Variants in ATP1B3 observed in about 807,000 individuals in gnomAD.
ATP1B3 encodes the protein ATPase Na+/K+ transporting subunit beta 3.
ATP1B3 carries 10 observed loss-of-function variants against 30.2 expected under a neutral mutation model. That is an observed-to-expected ratio of 0.33 (90% CI 0.20 to 0.56). ATP1B3 has a LOEUF of 0.56. ATP1B3 is among the 20% of genes least tolerant of loss of function. The pLI, the probability that ATP1B3 is intolerant of heterozygous loss-of-function variation, is 0.90. For synonymous variants in ATP1B3, 113 were observed against 117.0 expected (o/e 0.97, Z 0.22); for missense variants, 238 against 336.7 (o/e 0.71, Z 2.29).
chr3:141,890,397 G>T (rs1369392421), intron 1 of ATP1B3, among the ~76,000 whole-genome samples: 1 of 140,382 alleles, frequency 7.1e-6, no homozygotes, highest in Non-Finnish European at 1.5e-5. Context: ...CCACCTCCTG[G>T]GTTCAGGTGA....
chr3:141,887,191 G>C (rs1448085588), intron 1 of ATP1B3, among the ~76,000 whole-genome samples: 5 of 152,116 alleles, frequency 3.3e-5, no homozygotes, highest in African/African-American at 1.2e-4. Flanking sequence ...CTTGAAATTG[G>C]CCATAGAACT....
At chr3:141,900,831 G>A (rs900357998) in intron 1 of ATP1B3, among the ~76,000 whole-genome samples, 11 of 152,076 alleles carry the variant, frequency 7.2e-5, no homozygotes, top group East Asian at 3.9e-4. Context: ...CACCCAGGTC[G>A]GAGTGCAGTG....
intron 6 of ATP1B3, 135 bp from the exon 7 acceptor site, chr3:141,925,396 C>A: frequency 1.2e-6 from 1 of 846,624 alleles, no homozygotes; most frequent in Non-Finnish European, 1.8e-6. Flanking sequence ...CTTCAATGAG[C>A]CATAATTGCA....
chr3:141,893,929 T>A (rs1181157513), intron 1 of ATP1B3, among the ~76,000 whole-genome samples: 1 of 152,184 alleles, frequency 6.6e-6, no homozygotes, highest in Admixed American at 6.5e-5. Flanking sequence ...AAAGTGGACT[T>A]ACACAAATCT....
At chr3:141,901,993 T>C in intron 1 of ATP1B3, 1 of 497,304 alleles carries the variant, frequency 2.0e-6, no homozygotes, top group Non-Finnish European at 3.4e-6. Flanking sequence ...ATTTTATCCC[T>C]TCGTTCCTGC....
intron 3 of ATP1B3, 98 bp from the exon 4 acceptor site, chr3:141,913,554 T>TTACA: frequency 1.9e-6 from 2 of 1,070,930 alleles, no homozygotes; most frequent in Non-Finnish European, 2.6e-6. Flanking sequence ...CATTGCTGTT[T>TTACA]TTGTCTTTGA....
At chr3:141,904,073 C>A (rs1224581766) in intron 2 of ATP1B3, among the ~76,000 whole-genome samples, 1 of 152,258 alleles carries the variant, frequency 6.6e-6, no homozygotes, top group African/African-American at 2.4e-5. Flanking sequence ...GCGTGAGCCA[C>A]TGTGCCTGGC....
intron 1 of ATP1B3, among the ~76,000 whole-genome samples, chr3:141,882,911 C>G (rs1158811824): frequency 6.6e-6 from 1 of 151,972 alleles, no homozygotes; most frequent in Non-Finnish European, 1.5e-5. Flanking sequence ...GTTCTTATAA[C>G]CACCTGCCTA....
intron 1 of ATP1B3, among the ~76,000 whole-genome samples, chr3:141,897,244 C>G (rs1057063533): frequency 6.6e-6 from 1 of 152,198 alleles, no homozygotes; most frequent in African/African-American, 2.4e-5. Flanking sequence ...AGCCAACTAC[C>G]TTATTTCTGG....
rs1237871443 is a variant in ATP1B3, at chr3:141,925,733, T to G, written c.*32T>G. ...TAGGATATCTCCACAGAGTAAATGT[T>G]GTGTTGTCTGTCTTCATTTTGTAAC... On this transcript the variant is annotated 3_prime_UTR_variant, in exon 7 of 7. Coordinates refer to ENST00000286371, the MANE Select transcript of ATP1B3 (RefSeq NM_001679.4). 2 of 1,586,546 alleles carry G rather than the reference T, an allele frequency of 1.3e-6. No homozygotes were observed. The highest frequency in any genetic ancestry group is 1.2e-5 in the South Asian group (1 of 85,128).
At chr3:141,902,240 G>C in intron 1 of ATP1B3, 1 of 1,231,278 alleles carries the variant, frequency 8.1e-7, no homozygotes, top group Non-Finnish European at 1.1e-6. Context: ...AATTGGGGGG[G>C]AGGGGTAGAA....
Position 141,925,955 on chromosome 3 carries a change from G to A in ATP1B3, c.*254G>A, listed in dbSNP as rs925486616. 17 of 413,002 alleles carry A rather than the reference G, an allele frequency of 4.1e-5. 1 individual carries two copies. Among genetic ancestry groups the A allele is most frequent in the Admixed American group, 8.1e-5 (2 of 24,550 alleles). The allele number at this position is 413,002 out of a possible 1,614,324, so 25.6% of individuals were successfully genotyped here. ...CCGGTGAACACCTGATTCCAAACATGTAGGATGGGGGTCTTGTCCTCTTTT... is the reference window on the plus strand; with the variant it reads ...CCGGTGAACACCTGATTCCAAACATATAGGATGGGGGTCTTGTCCTCTTTT... On this transcript the variant is annotated 3_prime_UTR_variant, in exon 7 of 7. Coordinates refer to ENST00000286371, the MANE Select transcript of ATP1B3 (RefSeq NM_001679.4).
At chr3:141,911,053 T>C (rs1220721047) in intron 3 of ATP1B3, among the ~76,000 whole-genome samples, 8 of 152,110 alleles carry the variant, frequency 5.3e-5, no homozygotes, top group Non-Finnish European at 1.0e-4. Flanking sequence ...TCTATCTGGA[T>C]TTCTGTCTCT....
At chr3:141,899,297 A>AT (rs952360259) in intron 1 of ATP1B3, among the ~76,000 whole-genome samples, 1 of 152,198 alleles carries the variant, frequency 6.6e-6, no homozygotes, top group African/African-American at 2.4e-5. Context: ...CATATAATGG[A>AT]TTTTTTAGAA....
At chr3:141,879,650 C>T (rs1382799103) in intron 1 of ATP1B3, among the ~76,000 whole-genome samples, 1 of 151,290 alleles carries the variant, frequency 6.6e-6, no homozygotes, top group Non-Finnish European at 1.5e-5. Flanking sequence ...GTGGTGGCAC[C>T]TGCCTGTAAT....
intron 1 of ATP1B3, among the ~76,000 whole-genome samples, chr3:141,881,056 AGCCCGGC>A (rs1933713896): frequency 2.0e-5 from 3 of 152,102 alleles, no homozygotes; most frequent in Non-Finnish European, 2.9e-5. Flanking sequence ...TACAAAAATT[AGCCCGGC>A]ATGGTGGCGG....
chr3:141,890,084 T>TC (rs1933913089), intron 1 of ATP1B3, among the ~76,000 whole-genome samples: 1 of 106,888 alleles, frequency 9.4e-6, no homozygotes, highest in African/African-American at 4.5e-5. Flanking sequence ...CTAATTTTTT[T>TC]TCTTTTTTTT....
At chr3:141,877,341 T>A (rs966546969) in intron 1 of ATP1B3, among the ~76,000 whole-genome samples, 1 of 151,994 alleles carries the variant, frequency 6.6e-6, no homozygotes, top group Non-Finnish European at 1.5e-5. Context: ...GCTGAGCGGT[T>A]CGGAGAAGCC....
chr3:141,883,240 C>G (rs1397889780), intron 1 of ATP1B3, among the ~76,000 whole-genome samples: 3 of 152,172 alleles, frequency 2.0e-5, no homozygotes, highest in African/African-American at 7.2e-5. Context: ...GTAATCCCAG[C>G]ACTTTGGGAA....
Sources: gnomAD v4.1 joint callset for allele counts (sites outside exome capture counted in the v4.1 genomes callset) on GRCh38, gnomAD v4.1.1 for gene constraint, MANE v1.5 for transcripts, NCBI Gene and HGNC (gene_info 2026-07-23, HGNC 2026-07-21) for gene names.